FLVCR2: variants seen among roughly 807,000 people sequenced by gnomAD.
FLVCR2 encodes the protein choline/ethanolamine transporter FLVCR2.
Under a neutral mutation model 48.9 loss-of-function variants are expected in FLVCR2, and 38 were observed. The ratio of observed to expected loss-of-function variants is 0.78; its 90% CI spans 0.60 to 1.02. FLVCR2 has a LOEUF of 1.02. Ranked by LOEUF, FLVCR2 falls within the 50% of genes least tolerant of loss-of-function variation. The pLI is 0.00. For synonymous variants in FLVCR2, 255 were observed against 257.0 expected, an observed-to-expected ratio of 0.99 and a Z score of 0.07; for missense variants, 664 against 663.3, an observed-to-expected ratio of 1.00 and a Z score of -0.01.
Position 75,578,881 on chromosome 14 carries a change from C to G in FLVCR2, c.-92C>G. The G allele has an allele frequency of 8.2e-7, 1 of 1,223,234 alleles. No individual in the cohort carries two copies. Among genetic ancestry groups the G allele is most frequent in the Non-Finnish European group, 1.2e-6 (1 of 834,060 alleles). 75.8% of individuals were successfully genotyped at this position (1,223,234 alleles called of 1,614,324 possible). The stretch of plus-strand genomic sequence containing the variant: ...GTTTCTTCTGGAATAGGCAAGTGTC[C>G]TTTCAACTCTAAGAGACCAGCAGAG... On this transcript the variant is annotated 5_prime_UTR_variant, in exon 1 of 10. Transcript: ENST00000238667.
intron 5 of FLVCR2, 102 bp downstream of exon 5, chr14:75,635,115 G>A (rs1890134705): frequency 2.5e-6 from 2 of 785,334 alleles, no homozygotes; most frequent in East Asian, 2.6e-5. Context: ...AGATCCTAGT[G>A]GCCAAGCAGG....
At chr14:75,607,572 G>A (rs1212180114) in intron 1 of FLVCR2, among the ~76,000 whole-genome samples, 3 of 152,148 alleles carry the variant, frequency 2.0e-5, no homozygotes, top group African/African-American at 4.8e-5. Context: ...TTAGCTCTGT[G>A]ACTTCAAGTT....
At chr14:75,595,813 T>C in intron 1 of FLVCR2, 1 of 837,792 alleles carries the variant, frequency 1.2e-6, no homozygotes, top group South Asian at 1.3e-5. Flanking sequence ...CTTTACTCCT[T>C]CAGCTTTTTG....
intron 3 of FLVCR2, chr14:75,632,808 T>C (rs371870592): frequency 2.7e-5 from 19 of 702,176 alleles, no homozygotes; most frequent in South Asian, 2.5e-4. Flanking sequence ...TGTGTGTGCA[T>C]CTTTATTATC....
intron 9 of FLVCR2, 121 bp downstream of exon 9, chr14:75,642,019 C>G: frequency 1.2e-6 from 1 of 857,420 alleles, no homozygotes; most frequent in Non-Finnish European, 2.0e-6. Context: ...AGCTGGGAGA[C>G]CAGTTCATCC....
intron 1 of FLVCR2, among the ~76,000 whole-genome samples, chr14:75,615,560 A>G (rs1889587891): frequency 6.6e-6 from 1 of 152,172 alleles, no homozygotes; most frequent in Non-Finnish European, 1.5e-5. Context: ...ATTAGGAAAC[A>G]CACAGAGAGG....
In FLVCR2 at chr14:75,608,140, T is replaced by C. The variant is rs74454855; in HGVS notation, c.670-13939T>C. Among the ~76,000 whole-genome samples, 1,013 of 152,324 alleles carry C rather than the reference T, an allele frequency of 6.7e-3. 10 individuals are homozygous for C. Among genetic ancestry groups the C allele is most frequent in the African/African-American group, 0.021 (892 of 41,582 alleles). On this transcript the variant is annotated intron_variant, in intron 1 of 9. Transcript: ENST00000238667. ...AAAGGGCTTCTCTAGACACACATCGTGTCCTGCCTGGATTGGGGGCCATGC... is the reference window on the plus strand; with the variant it reads ...AAAGGGCTTCTCTAGACACACATCGCGTCCTGCCTGGATTGGGGGCCATGC...
At chr14:75,610,734 C>T (rs1181177958) in intron 1 of FLVCR2, among the ~76,000 whole-genome samples, 1 of 152,198 alleles carries the variant, frequency 6.6e-6, no homozygotes, top group Non-Finnish European at 1.5e-5. Context: ...GAGTGTAGGT[C>T]TAAGAGTGAG....
At chr14:75,604,758 G>A (rs4903335) in intron 1 of FLVCR2, among the ~76,000 whole-genome samples, 6,065 of 152,196 alleles carry the variant, frequency 0.04, 224 homozygotes, top group Admixed American at 0.11. Flanking sequence ...TGAAGGTTGA[G>A]CTGATTCCTA....
intron 1 of FLVCR2, among the ~76,000 whole-genome samples, chr14:75,597,466 G>T (rs1262311302): frequency 6.6e-6 from 1 of 152,166 alleles, no homozygotes; most frequent in Admixed American, 6.5e-5. Context: ...TCCAGAAGTG[G>T]TTGGTGATTT....
intron 3 of FLVCR2, chr14:75,631,835 A>T: frequency 2.2e-6 from 1 of 455,996 alleles, no homozygotes; most frequent in Admixed American, 2.3e-5. Flanking sequence ...AGTATGTACT[A>T]TGAAGGGCAG....
chr14:75,632,819 T>G (rs1232718572), intron 3 of FLVCR2: 1 of 702,180 alleles, frequency 1.4e-6, no homozygotes, highest in Non-Finnish European at 2.6e-6. Flanking sequence ...CTTTATTATC[T>G]CTAAAATGGT....
At position 75,647,875 on chromosome 14, in the gene FLVCR2, G is replaced by A. The variant is rs1323630166; in HGVS notation, c.*1403G>A. ...TGCCTGAGAGGAGCCAGGTTTGTGT[G>A]TGTCTGCATGTGTGTGTGTGTGTGT... On this transcript the variant is annotated 3_prime_UTR_variant, in exon 10 of 10. Coordinates refer to ENST00000238667, the MANE Select transcript of FLVCR2 (RefSeq NM_017791.3). The A allele has an allele frequency of 6.5e-6, 1 of 152,796 alleles. No homozygotes were observed. Among genetic ancestry groups the A allele is most frequent in the African/African-American group, 2.4e-5 (1 of 41,350 alleles). The allele number at this position is 152,796 out of a possible 1,614,324, so 9.5% of individuals were successfully genotyped here. A position where few individuals can be genotyped will look rare whatever the true frequency, so the allele number is the denominator to read the frequency against.
intron 9 of FLVCR2, among the ~76,000 whole-genome samples, chr14:75,643,989 G>C (rs1890359732): frequency 1.3e-5 from 2 of 149,478 alleles, no homozygotes; most frequent in South Asian, 4.2e-4. Flanking sequence ...GGTAAGCTGA[G>C]ATCATGCCAT....
intron 2 of FLVCR2, among the ~76,000 whole-genome samples, chr14:75,624,225 T>C (rs1458471068): frequency 4.6e-5 from 7 of 151,854 alleles, no homozygotes; most frequent in Admixed American, 4.6e-4. Context: ...TAGCCAGGTG[T>C]GGTGGCATAC....
intron 1 of FLVCR2, among the ~76,000 whole-genome samples, chr14:75,597,852 G>A (rs1265915405): frequency 2.0e-5 from 3 of 152,148 alleles, no homozygotes; most frequent in East Asian, 3.8e-4. Context: ...TTGCAGGTGT[G>A]AGCCACCATG....
At chr14:75,621,281 G>A (rs1320758729) in intron 1 of FLVCR2, among the ~76,000 whole-genome samples, 4 of 151,874 alleles carry the variant, frequency 2.6e-5, no homozygotes, top group African/African-American at 4.8e-5. Context: ...TGTGGCGCAC[G>A]CCTGTAGTTC....
In FLVCR2 at chr14:75,641,894, AG is replaced by A. The variant is rs1279953340; in HGVS notation, c.1506del (p.Asn503ThrfsTer54). On this transcript the variant is annotated frameshift_variant, in exon 9 of 10. Coordinates refer to ENST00000238667, the MANE Select transcript of FLVCR2 (RefSeq NM_017791.3). LOFTEE classifies it high-confidence loss of function. Reference protein sequence around the residue: ...RRQKANKETLENKLQEEEEES... With the variant: ...RRQKANKETLXNKLQEEEEES... ...CAGAAAGCAAACAAAGAAACTCTTG[AG>A]AACGTGAGTATATGGGAGCTTTGTG... 1 of 1,613,908 alleles carries A rather than the reference AG, an allele frequency of 6.2e-7. No homozygotes were observed. Among genetic ancestry groups the A allele is most frequent in the Admixed American group, 1.7e-5 (1 of 60,010 alleles).
chr14:75,602,700 C>T (rs181047672), intron 1 of FLVCR2, among the ~76,000 whole-genome samples: 16 of 152,186 alleles, frequency 1.1e-4, no homozygotes, highest in South Asian at 2.1e-4. Context: ...TACTGTTTAA[C>T]GGGTACAGAG....
Sources: allele counts gnomAD v4.1 joint callset (sites outside exome capture counted in the v4.1 genomes callset), GRCh38; gene constraint gnomAD v4.1.1; transcripts MANE v1.5; gene names NCBI Gene and HGNC (gene_info 2026-07-23, HGNC 2026-07-21).